The following PCBP4 variants were observed in gnomAD, a reference collection of about 807,000 sequenced individuals.
PCBP4 encodes poly(rC)-binding protein 4.
A neutral mutation model predicts 46.2 loss-of-function variants in PCBP4; 24 were observed. The ratio of observed to expected loss-of-function variants is 0.52; its 90% CI spans 0.38 to 0.73. PCBP4 has a LOEUF of 0.73. Among genes scored for constraint, PCBP4 ranks in the 30% least tolerant of loss-of-function variants. The probability of loss-of-function intolerance (pLI) is 0.00; values close to 1 mark genes in which losing one functional copy is unlikely to be tolerated. For synonymous variants in PCBP4, 203 were observed against 224.4 expected (o/e 0.90, Z 0.85); for missense variants, 407 against 537.0 (o/e 0.76, Z 2.39).
chr3:51,959,712 G>T lies in PCBP4; in HGVS notation c.517-61C>A. On this transcript the variant is annotated intron_variant, in intron 8 of 13. Coordinates refer to ENST00000461554, the MANE Select transcript of PCBP4 (RefSeq NM_001174100.2). This position sits in a 1 kb window ranked among gnomAD's most constrained non-coding sequence, Gnocchi z 5.6. Reference sequence around the variant, plus strand: ...TCAGGCTCCGATAACCTCCCCAGCTGCCCAGTGGCCTCAGGCCCCCACCAT... The same window carrying T: ...TCAGGCTCCGATAACCTCCCCAGCTTCCCAGTGGCCTCAGGCCCCCACCAT... 3 of 1,492,562 alleles carry T rather than the reference G, an allele frequency of 2.0e-6. No individual in the cohort carries two copies. Among genetic ancestry groups the T allele is most frequent in the South Asian group, 2.4e-5 (2 of 82,280 alleles). 92.5% of individuals were successfully genotyped at this position (1,492,562 alleles called of 1,614,324 possible).
In PCBP4 at chr3:51,960,618, C is replaced by G; in HGVS notation, c.163G>C (p.Glu55Gln). The change falls in exon 6 of 14, where the codon GAG becomes CAG. Residue 55 changes from glutamate (E) to glutamine (Q), a missense_variant. By Grantham distance (29) the Glu-to-Gln change is conservative. Transcript: ENST00000461554. This position sits in a 1 kb window ranked among gnomAD's most constrained non-coding sequence, Gnocchi z 5.0. ...EQSSARITIS[E>Q]GSCPERITTI... Reference sequence around the variant, plus strand: ...GTGATGCGTTCAGGGCAGGAGCCCTCGGAGATGGTGATCCGGGCACTGCTC... The same window carrying G: ...GTGATGCGTTCAGGGCAGGAGCCCTGGGAGATGGTGATCCGGGCACTGCTC... The G allele has an allele frequency of 6.2e-7, 1 of 1,613,962 alleles. No homozygotes were observed. Among genetic ancestry groups the G allele is most frequent in the Non-Finnish European group, 8.5e-7 (1 of 1,179,818 alleles).
chr3:51,958,394 T>G lies in PCBP4; in HGVS notation c.924-45A>C, dbSNP rs1577671839. ...GGGGAGACAAAGGGGAAAGTGGGAGTGAGAGAGGGGCAATGAGGGCAGAGA... is the reference window on the plus strand; with the variant it reads ...GGGGAGACAAAGGGGAAAGTGGGAGGGAGAGAGGGGCAATGAGGGCAGAGA... On this transcript the variant is annotated intron_variant, in intron 13 of 13. Transcript: ENST00000461554. The surrounding 1 kb of genome is among the most constrained non-coding windows in gnomAD (Gnocchi z 5.4). The G allele has an allele frequency of 1.5e-6, 2 of 1,327,954 alleles. No individual in the cohort carries two copies. Among genetic ancestry groups the G allele is most frequent in the Non-Finnish European group, 9.9e-7 (1 of 1,008,138 alleles). The allele number at this position is 1,327,954 out of a possible 1,614,324, so 82.3% of individuals were successfully genotyped here.
Position 51,958,315 on chromosome 3 carries a change from GC to G in PCBP4, c.957del (p.Ser321AlafsTer15), listed in dbSNP as rs762626249. 6.5e-7 allele frequency: 1 copy of G among 1,529,220 alleles called. No individual in the cohort carries two copies. Among genetic ancestry groups the G allele is most frequent in the Non-Finnish European group, 8.8e-7 (1 of 1,140,196 alleles). The allele number at this position is 1,529,220 out of a possible 1,614,324, so 94.7% of individuals were successfully genotyped here. ...LETAKSTSGGTPSSAPADLPA... is the reference protein window; with the variant it reads ...LETAKSTSGGXPSSAPADLPA... The stretch of plus-strand genomic sequence containing the variant: ...GGCAGGTCTGCGGGGGCCGAGCTGG[GC>G]GTCCCCCCAGAGGTAGACTTGGCCG... On this transcript the variant is annotated frameshift_variant, in exon 14 of 14. Transcript: ENST00000461554. LOFTEE classifies it high-confidence loss of function. The surrounding 1 kb of genome is among the most constrained non-coding windows in gnomAD (Gnocchi z 5.4).
intron 1 of PCBP4, among the ~76,000 whole-genome samples, chr3:51,965,670 C>A (rs1383855221): frequency 6.6e-6 from 1 of 152,146 alleles, no homozygotes. Context: ...GGCTGAGGGT[C>A]CCGGAGGAGT....
rs747434308 is a variant in PCBP4, at chr3:51,961,184, C to G, written c.57G>C (p.Thr19=). The change falls in exon 3 of 14, where the codon ACG becomes ACC. Residue 19 remains threonine (T), a synonymous_variant. Coordinates refer to ENST00000461554, the MANE Select transcript of PCBP4 (RefSeq NM_001174100.2). ...CCTTCCCGTGCATCAGCATCCGCAG[C>G]GTGAGGGTGATGCTGAGCTCTGGCT... ...EEEPELSITL[T]LRMLMHGKEV... 1.2e-6 allele frequency: 2 copies of G among 1,613,470 alleles called. No homozygotes were observed. The highest frequency in any genetic ancestry group is 1.7e-6 in the Non-Finnish European group (2 of 1,180,024).
In PCBP4 at chr3:51,960,512, G is replaced by T; in HGVS notation, c.255+14C>A. Reference sequence around the variant, plus strand: ...GGAACCACTCTTGGCGTCCTGCCCTGGCCAGCCACGGACCTCATCCAGTTT... The same window carrying T: ...GGAACCACTCTTGGCGTCCTGCCCTTGCCAGCCACGGACCTCATCCAGTTT... On this transcript the variant is annotated intron_variant, in intron 6 of 13. Transcript: ENST00000461554. This position sits in a 1 kb window ranked among gnomAD's most constrained non-coding sequence, Gnocchi z 5.0. 6.2e-7 allele frequency: 1 copy of T among 1,601,260 alleles called. No homozygotes were observed. The highest frequency in any genetic ancestry group is 2.2e-5 in the East Asian group (1 of 44,816).
At chr3:51,963,169 C>T (rs1391095788) in intron 1 of PCBP4, 1 of 152,240 alleles carries the variant, frequency 6.6e-6, no homozygotes, top group Non-Finnish European at 1.5e-5. Context: ...TGGAACTCAG[C>T]TAACATACTG....
chr3:51,960,954 C>T lies in PCBP4; in HGVS notation c.105+56G>A. The T allele has an allele frequency of 6.2e-7, 1 of 1,614,144 alleles. No homozygotes were observed. The highest frequency in any genetic ancestry group is 2.2e-5 in the East Asian group (1 of 44,888). On this transcript the variant is annotated intron_variant, in intron 4 of 13. Coordinates refer to ENST00000461554, the MANE Select transcript of PCBP4 (RefSeq NM_001174100.2). This position sits in a 1 kb window ranked among gnomAD's most constrained non-coding sequence, Gnocchi z 5.0. The stretch of plus-strand genomic sequence containing the variant: ...TTAACTTAGAGGTCACAGCCTCCTT[C>T]CCTGGGCTGAAGCCTCAGCTGGAGG...
intron 1 of PCBP4, 56 bp downstream of exon 1, chr3:51,967,270 C>T (rs868160701): frequency 6.6e-6 from 1 of 152,080 alleles, no homozygotes; most frequent in Non-Finnish European, 1.5e-5. Flanking sequence ...CTCCCTGCCC[C>T]CGGGCGAACC....
rs1054877599 is a variant in PCBP4, at chr3:51,958,450, G to C, written c.924-101C>G. ...ATGAGATTAGATGAAAGGCAAGAGA[G>C]AGGTAGTGAACAGAGAACAATAAGG... On this transcript the variant is annotated intron_variant, in intron 13 of 13. Coordinates refer to ENST00000461554, the MANE Select transcript of PCBP4 (RefSeq NM_001174100.2). The surrounding 1 kb of genome is among the most constrained non-coding windows in gnomAD (Gnocchi z 5.4). 1.2e-6 allele frequency: 1 copy of C among 817,606 alleles called. No individual in the cohort carries two copies. The highest frequency in any genetic ancestry group is 1.7e-5 in the African/African-American group (1 of 57,862). The allele number at this position is 817,606 out of a possible 1,614,324, so 50.6% of individuals were successfully genotyped here. A position where few individuals can be genotyped will look rare whatever the true frequency, so the allele number is the denominator to read the frequency against.
At position 51,959,792 on chromosome 3, in the gene PCBP4, C is replaced by T. The variant is rs2535653; in HGVS notation, c.516+103G>A. The T allele has an allele frequency of 1.3e-6, 2 of 1,519,492 alleles. No individual in the cohort carries two copies. The highest frequency in any genetic ancestry group is 1.8e-6 in the Non-Finnish European group (2 of 1,122,596). 94.1% of individuals were successfully genotyped at this position (1,519,492 alleles called of 1,614,324 possible). A position where few individuals can be genotyped will look rare whatever the true frequency, so the allele number is the denominator to read the frequency against. Reference sequence around the variant, plus strand: ...GAGCTCATCATCCATCCCTGCAGCCCTGCCCTGCCCCACCTGCAGCACAGG... The same window carrying T: ...GAGCTCATCATCCATCCCTGCAGCCTTGCCCTGCCCCACCTGCAGCACAGG... On this transcript the variant is annotated intron_variant, in intron 8 of 13. Coordinates refer to ENST00000461554, the MANE Select transcript of PCBP4 (RefSeq NM_001174100.2). The surrounding 1 kb of genome is among the most constrained non-coding windows in gnomAD (Gnocchi z 5.6).
chr3:51,960,035 GAAC>G lies in PCBP4; in HGVS notation c.388-15_388-13del. 1 of 1,614,214 alleles carries G rather than the reference GAAC, an allele frequency of 6.2e-7. No homozygotes were observed. Among genetic ancestry groups the G allele is most frequent in the South Asian group, 1.1e-5 (1 of 91,080 alleles). Reference sequence around the variant, plus strand: ...TGGGCACCCGTAGTCTGCAAACAGAGAACAGGGGCCACTTCTGGCTGCTCCCAT... The same window carrying G: ...TGGGCACCCGTAGTCTGCAAACAGAGAGGGGCCACTTCTGGCTGCTCCCAT... On this transcript the variant is annotated splice_polypyrimidine_tract_variant and intron_variant, in intron 7 of 13. Transcript: ENST00000461554. The surrounding 1 kb of genome is among the most constrained non-coding windows in gnomAD (Gnocchi z 5.0).
chr3:51,961,795 C>G, intron 2 of PCBP4, 146 bp downstream of exon 2: 1 of 986,226 alleles, frequency 1.0e-6, no homozygotes, highest in Non-Finnish European at 1.2e-6. Flanking sequence ...GTGGATGGAG[C>G]ACAGAAGAGC....
Position 51,959,616 on chromosome 3 carries a change from C to T in PCBP4, c.552G>A (p.Pro184=), listed in dbSNP as rs1483349742. 8.4e-6 allele frequency: 13 copies of T among 1,552,436 alleles called. No homozygotes were observed. Among genetic ancestry groups the T allele is most frequent in the Non-Finnish European group, 9.6e-6 (11 of 1,147,324 alleles). The part of the protein sequence containing the change: ...PPKGATIPYH[P]SLSLGTVLLS... ...GAAGAACAGTACCTAGGGAGAGGCTCGGATGGTAGGGGATAGTGGCTCCTT... is the reference window on the plus strand; with the variant it reads ...GAAGAACAGTACCTAGGGAGAGGCTTGGATGGTAGGGGATAGTGGCTCCTT... Residue 184 remains proline (P), a synonymous_variant, in exon 9 of 14, where the codon CCG becomes CCA. Coordinates refer to ENST00000461554, the MANE Select transcript of PCBP4 (RefSeq NM_001174100.2). This position sits in a 1 kb window ranked among gnomAD's most constrained non-coding sequence, Gnocchi z 5.6.
At chr3:51,966,952 G>A (rs1019303595) in intron 1 of PCBP4, among the ~76,000 whole-genome samples, 6 of 152,160 alleles carry the variant, frequency 3.9e-5, no homozygotes, top group African/African-American at 1.2e-4. Context: ...CAACGACTGC[G>A]GAGGATGGGA....
chr3:51,959,645 G>T lies in PCBP4; in HGVS notation c.523C>A (p.Pro175Thr). The T allele has an allele frequency of 6.4e-7, 1 of 1,551,682 alleles. No individual in the cohort carries two copies. Among genetic ancestry groups the T allele is most frequent in the Non-Finnish European group, 8.7e-7 (1 of 1,146,910 alleles). ...TGGTAGGGGATAGTGGCTCCTTTGG[G>T]TGGGGACTGGAAGGCATAAACAGGG... ...QICAVILESP[P>T]KGATIPYHPS... The change falls in exon 9 of 14, where the codon CCC becomes ACC. Residue 175 changes from proline to threonine, a missense_variant. Pro to Thr is a conservative substitution (Grantham distance 38, BLOSUM62 -1). Transcript: ENST00000461554. This position sits in a 1 kb window ranked among gnomAD's most constrained non-coding sequence, Gnocchi z 5.6.
rs1004570302 is a variant in PCBP4 at position 51,959,799 on chromosome 3, G to A, written c.516+96C>T. On this transcript the variant is annotated intron_variant, in intron 8 of 13. Coordinates refer to ENST00000461554, the MANE Select transcript of PCBP4 (RefSeq NM_001174100.2). This position sits in a 1 kb window ranked among gnomAD's most constrained non-coding sequence, Gnocchi z 5.6. ...TCATCCATCCCTGCAGCCCTGCCCT[G>A]CCCCACCTGCAGCACAGGCATAGGG... The A allele has an allele frequency of 1.0e-5, 16 of 1,524,806 alleles. No individual in the cohort carries two copies. Among genetic ancestry groups the A allele is most frequent in the Non-Finnish European group, 1.4e-5 (16 of 1,127,614 alleles). 94.5% of individuals were successfully genotyped at this position (1,524,806 alleles called of 1,614,324 possible).
Position 51,959,821 on chromosome 3 carries a change from A to T in PCBP4, c.516+74T>A. On this transcript the variant is annotated intron_variant, in intron 8 of 13. Transcript: ENST00000461554. The surrounding 1 kb of genome is among the most constrained non-coding windows in gnomAD (Gnocchi z 5.6). Reference sequence around the variant, plus strand: ...CCTGCCCCACCTGCAGCACAGGCATAGGGTTTGGGGTCCCCGACAAGGCAG... The same window carrying T: ...CCTGCCCCACCTGCAGCACAGGCATTGGGTTTGGGGTCCCCGACAAGGCAG... The T allele has an allele frequency of 1.9e-6, 3 of 1,547,336 alleles. No individual in the cohort carries two copies. Among genetic ancestry groups the T allele is most frequent in the Non-Finnish European group, 2.6e-6 (3 of 1,146,812 alleles).
rs1468375555 is a variant in PCBP4 at position 51,960,837 on chromosome 3, TG to T, written c.138+28del. ...GATCTCCCCTCCACATCAGGTGCCC[TG>T]GGCTCCTCCCCCAAACTCCATCCTC... On this transcript the variant is annotated intron_variant, in intron 5 of 13. Coordinates refer to ENST00000461554, the MANE Select transcript of PCBP4 (RefSeq NM_001174100.2). This position sits in a 1 kb window ranked among gnomAD's most constrained non-coding sequence, Gnocchi z 5.0. 9.9e-6 allele frequency: 16 copies of T among 1,612,396 alleles called. No homozygotes were observed. The highest frequency in any genetic ancestry group is 2.7e-5 in the African/African-American group (2 of 74,894).
Sources: gnomAD v4.1 joint callset for allele counts (sites outside exome capture counted in the v4.1 genomes callset) on GRCh38, gnomAD v4.1.1 for gene constraint, Gnocchi (gnomAD v3.1) non-coding constraint, MANE v1.5 for transcripts, NCBI Gene and HGNC (gene_info 2026-07-23, HGNC 2026-07-21) for gene names.